The following ABCC9 variants were observed in gnomAD, a reference collection of about 807,000 sequenced individuals.
The protein encoded by ABCC9 is ATP-binding cassette sub-family C member 9.
ABCC9 carries 95 observed loss-of-function variants against 188.3 expected under a neutral mutation model. The ratio of observed to expected loss-of-function variants is 0.50; its 90% CI spans 0.43 to 0.60. The LOEUF is 0.60. Ranked by LOEUF, ABCC9 falls within the 20% of genes least tolerant of loss-of-function variation. The pLI is 0.00. For synonymous variants in ABCC9, 659 were observed against 652.7 expected, an observed-to-expected ratio of 1.01 and a Z score of -0.15; for missense variants, 1,102 against 1,876.3, an observed-to-expected ratio of 0.59 and a Z score of 7.62.
rs537130803 is a variant in ABCC9 at position 21,925,682 on chromosome 12, C to CA, written c.406+259dup. 6 of 623,540 alleles carry CA rather than the reference C, an allele frequency of 9.6e-6. No individual in the cohort carries two copies. The South Asian group carries it at 1.1e-4, about 12-fold the overall frequency. The allele number at this position is 623,540 out of a possible 1,614,324, so 38.6% of individuals were successfully genotyped here. A position where few individuals can be genotyped will look rare whatever the true frequency, so the allele number is the denominator to read the frequency against. ...CCATATTTCCTCCACTTTCTTCCCC[C>CA]ACCCCCCTACACCACAGAGAGCATT... On this transcript the variant is annotated intron_variant, in intron 5 of 39. Coordinates refer to ENST00000261200, the MANE Select transcript of ABCC9 (RefSeq NM_020297.4).
rs754492531 is a variant in ABCC9, at chr12:21,805,280, A to C, written c.4512+718T>G. ...AATACCCTCAGAAAAGACTAAAACA[A>C]GGCCTGCATCCATAATAGAAGAGAC... is the stretch of plus-strand genomic sequence containing the variant. On this transcript the variant is annotated intron_variant, in intron 39 of 39. Coordinates refer to ENST00000261200, the MANE Select transcript of ABCC9 (RefSeq NM_020297.4). The C allele has an allele frequency of 2.5e-6, 4 of 1,614,102 alleles. No individual in the cohort carries two copies. In the East Asian group the frequency reaches 8.9e-5, roughly 36 times the overall value.
At chr12:21,920,714 C>A (rs1366494545) in intron 5 of ABCC9, among the ~76,000 whole-genome samples, 1 of 151,982 alleles carries the variant, frequency 6.6e-6, no homozygotes, top group Non-Finnish European at 1.5e-5. Flanking sequence ...TCTCCCAGCA[C>A]CCCACGACCC....
intron 10 of ABCC9, 102 bp from the exon 11 acceptor site, chr12:21,908,313 TA>T: frequency 5.7e-6 from 8 of 1,394,372 alleles, no homozygotes; most frequent in Non-Finnish European, 8.0e-6. Flanking sequence ...TCTTAATTAT[TA>T]TATTGTTTAT....
chr12:21,860,197 G>C (rs1299841359), intron 21 of ABCC9, among the ~76,000 whole-genome samples: 1 of 152,092 alleles, frequency 6.6e-6, no homozygotes, highest in Non-Finnish European at 1.5e-5. Flanking sequence ...CCAAGATGTA[G>C]GTATTGTTTT....
At chr12:21,927,466 A>G (rs996588686) in intron 4 of ABCC9, among the ~76,000 whole-genome samples, 2 of 152,240 alleles carry the variant, frequency 1.3e-5, no homozygotes, top group Admixed American at 6.5e-5. Flanking sequence ...CTTTGGCAGC[A>G]GTAACATGAA....
intron 34 of ABCC9, among the ~76,000 whole-genome samples, chr12:21,815,287 T>G (rs75609175): frequency 1.7e-5 from 2 of 115,436 alleles, no homozygotes; most frequent in East Asian, 4.5e-4. Context: ...TTCTTCATGG[T>G]TTTTTTTTTT....
chr12:21,860,039 G>C (rs1945427281), intron 21 of ABCC9, among the ~76,000 whole-genome samples: 1 of 151,776 alleles, frequency 6.6e-6, no homozygotes, highest in Non-Finnish European at 1.5e-5. Context: ...TGAGTTATGT[G>C]AAAGAGTACT....
At chr12:21,807,825 G>A (rs1208069761) in intron 37 of ABCC9, among the ~76,000 whole-genome samples, 2 of 152,134 alleles carry the variant, frequency 1.3e-5, no homozygotes, top group Non-Finnish European at 2.9e-5. Context: ...GAAATGGCTT[G>A]CCCAAAGTCA....
chr12:21,827,299 T>A, intron 31 of ABCC9: 6 of 985,360 alleles, frequency 6.1e-6, no homozygotes, highest in Non-Finnish European at 6.0e-6. Flanking sequence ...TCCATTAATC[T>A]GACAGCAGGA....
intron 14 of ABCC9, among the ~76,000 whole-genome samples, chr12:21,892,375 A>G (rs979677603): frequency 5.3e-5 from 8 of 152,222 alleles, no homozygotes; most frequent in Non-Finnish European, 1.2e-4. Flanking sequence ...TTGTAGTACA[A>G]AGTCAAATTT....
intron 3 of ABCC9, among the ~76,000 whole-genome samples, chr12:21,935,332 G>T (rs1949444445): frequency 6.6e-6 from 1 of 152,070 alleles, no homozygotes; most frequent in African/African-American, 2.4e-5. Flanking sequence ...TGGCCATTCT[G>T]GTCTCAATAT....
intron 31 of ABCC9, among the ~76,000 whole-genome samples, chr12:21,827,686 T>A (rs989109295): frequency 6.6e-6 from 1 of 152,188 alleles, no homozygotes; most frequent in African/African-American, 2.4e-5. Flanking sequence ...CACTTGCCTT[T>A]ATTTATCTAT....
rs1033669461 is a variant in ABCC9 at position 21,818,536 on chromosome 12, G to A, written c.3670-285C>T. On this transcript the variant is annotated intron_variant, in intron 31 of 39. Coordinates refer to ENST00000261200, the MANE Select transcript of ABCC9 (RefSeq NM_020297.4). ...TATAGATATATATATATGTGTGTGT[G>A]TGTGTGTGTGTGTGTGTGTGTGTGT... is the stretch of plus-strand genomic sequence containing the variant. Among the ~76,000 whole-genome samples the A allele has an allele frequency of 2.7e-3, 393 of 145,036 alleles. 2 individuals carry two copies. Among genetic ancestry groups the A allele is most frequent in the African/African-American group, 9.4e-3 (365 of 38,934 alleles).
intron 37 of ABCC9, among the ~76,000 whole-genome samples, chr12:21,808,856 C>T (rs1446005994): frequency 6.6e-6 from 1 of 151,232 alleles, no homozygotes; most frequent in Non-Finnish European, 1.5e-5. Context: ...CACAACCTGA[C>T]CCTGGCAAGT....
intron 29 of ABCC9, among the ~76,000 whole-genome samples, chr12:21,840,416 C>A (rs1232818360): frequency 1.3e-5 from 2 of 151,978 alleles, no homozygotes; most frequent in Non-Finnish European, 2.9e-5. Context: ...AAATAACCAT[C>A]CTCTCCATAC....
chr12:21,852,299 C>A, intron 23 of ABCC9, 69 bp downstream of exon 23: 4 of 1,612,818 alleles, frequency 2.5e-6, no homozygotes, highest in Non-Finnish European at 3.4e-6. Flanking sequence ...TTTCAGAAAG[C>A]ATTTTTTACT....
At chr12:21,814,254 A>C (rs1942452144) in intron 35 of ABCC9, among the ~76,000 whole-genome samples, 1 of 152,044 alleles carries the variant, frequency 6.6e-6, no homozygotes, top group South Asian at 2.1e-4. Context: ...CAGATTACTT[A>C]CCTCCTTGTA....
intron 39 of ABCC9, chr12:21,804,997 T>C (rs890153736): frequency 3.8e-6 from 1 of 262,120 alleles, no homozygotes; most frequent in Non-Finnish European, 5.9e-6. Flanking sequence ...TGAGCTCCAT[T>C]CGGTAGTGAG....
At chr12:21,859,354 T>TACAA (rs1189197172) in intron 22 of ABCC9, among the ~76,000 whole-genome samples, 2 of 152,110 alleles carry the variant, frequency 1.3e-5, no homozygotes, top group African/African-American at 4.8e-5. Flanking sequence ...AAACAACCAC[T>TACAA]TAGGGCATCT....
Sources: allele counts gnomAD v4.1 joint callset (sites outside exome capture counted in the v4.1 genomes callset), GRCh38; gene constraint gnomAD v4.1.1; transcripts MANE v1.5; gene names NCBI Gene and HGNC (gene_info 2026-07-23, HGNC 2026-07-21).